The following MGAT4C variants were observed in gnomAD, a reference collection of about 807,000 sequenced individuals.
The protein encoded by MGAT4C is alpha-1,3-mannosyl-glycoprotein 4-beta-N-acetylglucosaminyltransferase C.
In MGAT4C, 19 loss-of-function variants were observed where a neutral mutation model predicts 40.1. That is an observed-to-expected ratio of 0.47 (90% confidence interval 0.33 to 0.70). The LOEUF is 0.70. Among genes scored for constraint, MGAT4C ranks in the 30% least tolerant of loss-of-function variants. The probability of loss-of-function intolerance (pLI) is 0.02; values close to 1 mark genes in which losing one functional copy is unlikely to be tolerated. For missense variants in MGAT4C, 491 were observed against 563.2 expected (o/e 0.87, Z 1.30); for synonymous variants, 181 against 187.1 (o/e 0.97, Z 0.27).
intron 4 of MGAT4C, among the ~76,000 whole-genome samples, chr12:86,327,677 C>A (rs955879057): frequency 2.0e-5 from 3 of 152,014 alleles, no homozygotes; most frequent in African/African-American, 7.2e-5. Flanking sequence ...TAAAGATACA[C>A]AATGATATTG....
At chr12:86,007,673 T>C (rs1375791632) in intron 2 of MGAT4C, among the ~76,000 whole-genome samples, 1 of 152,066 alleles carries the variant, frequency 6.6e-6, no homozygotes, top group East Asian at 1.9e-4. Flanking sequence ...TTCAACAGAC[T>C]CTAATGATTT....
At chr12:86,353,741 G>A (rs1955234397) in intron 3 of MGAT4C, among the ~76,000 whole-genome samples, 1 of 152,150 alleles carries the variant, frequency 6.6e-6, no homozygotes, top group African/African-American at 2.4e-5. Context: ...ATTATAGAAA[G>A]TGGAAAAGAT....
At chr12:86,739,382 C>A (rs1951031955) in intron 1 of MGAT4C, among the ~76,000 whole-genome samples, 1 of 150,680 alleles carries the variant, frequency 6.6e-6, no homozygotes, top group Non-Finnish European at 1.5e-5. Context: ...AGATATAAAT[C>A]ATTTTTAGTC....
At chr12:86,012,084 G>A (rs1210584912) in intron 2 of MGAT4C, among the ~76,000 whole-genome samples, 1 of 152,166 alleles carries the variant, frequency 6.6e-6, no homozygotes, top group African/African-American at 2.4e-5. Flanking sequence ...TATTTGAAAA[G>A]TCGTAACTCA....
chr12:86,430,390 C>T lies in MGAT4C; in HGVS notation c.-120+4767G>A, dbSNP rs190105961. 1.3e-3 allele frequency among the ~76,000 whole-genome samples: 199 copies of T among 152,156 alleles called. 4 individuals are homozygous for T. The highest frequency in any genetic ancestry group is 4.4e-3 in the African/African-American group (181 of 41,516). ...GGGAATAGTCCCCTCTTGGCCTTTA[C>T]GGTGTTCTCTGGCAGGGATACACAT... is the stretch of plus-strand genomic sequence containing the variant. On this transcript the variant is annotated intron_variant, in intron 3 of 7. Coordinates refer to the MGAT4C transcript ENST00000548651.
intron 1 of MGAT4C, among the ~76,000 whole-genome samples, chr12:86,821,398 A>G (rs1039211488): frequency 6.6e-6 from 1 of 150,874 alleles, no homozygotes; most frequent in African/African-American, 2.4e-5. Flanking sequence ...ATACTTATGG[A>G]GTATGTGCAA....
At chr12:86,561,616 T>C (rs1440397836) in intron 2 of MGAT4C, among the ~76,000 whole-genome samples, 1 of 152,148 alleles carries the variant, frequency 6.6e-6, no homozygotes, top group African/African-American at 2.4e-5. Context: ...GCTCCACTCA[T>C]AGTATTTCTA....
chr12:86,394,856 T>G (rs1050932306), intron 3 of MGAT4C, among the ~76,000 whole-genome samples: 10 of 151,690 alleles, frequency 6.6e-5, no homozygotes, highest in Non-Finnish European at 1.3e-4. Flanking sequence ...CCTCAGGTGA[T>G]CCACCCACCT....
chr12:86,656,413 A>C (rs1963852007), intron 2 of MGAT4C, among the ~76,000 whole-genome samples: 2 of 152,102 alleles, frequency 1.3e-5, no homozygotes, highest in South Asian at 4.1e-4. Context: ...CTTGTCAACA[A>C]AGAAGAGATA....
At chr12:86,358,869 A>T (rs1319947447) in intron 3 of MGAT4C, among the ~76,000 whole-genome samples, 3 of 152,186 alleles carry the variant, frequency 2.0e-5, no homozygotes, top group Non-Finnish European at 4.4e-5. Flanking sequence ...CTCCCACACA[A>T]TAATAATAGG....
At chr12:86,158,522 T>C (rs1296227951) in intron 1 of MGAT4C, among the ~76,000 whole-genome samples, 1 of 152,164 alleles carries the variant, frequency 6.6e-6, no homozygotes, top group Non-Finnish European at 1.5e-5. Context: ...TATTTCTTCT[T>C]CTTATTTCAT....
At chr12:86,211,858 G>A (rs1950484031) in intron 1 of MGAT4C, among the ~76,000 whole-genome samples, 1 of 151,388 alleles carries the variant, frequency 6.6e-6, no homozygotes. Context: ...CCCTGCTAAT[G>A]TGATCTCTGC....
At chr12:86,411,895 G>A (rs752282280) in intron 3 of MGAT4C, among the ~76,000 whole-genome samples, 11 of 152,038 alleles carry the variant, frequency 7.2e-5, no homozygotes, top group African/African-American at 9.7e-5. Flanking sequence ...TTGGGACACC[G>A]CTCCCTGCAT....
chr12:86,264,444 C>T (rs1952734695), intron 4 of MGAT4C, among the ~76,000 whole-genome samples: 1 of 152,144 alleles, frequency 6.6e-6, no homozygotes, highest in Admixed American at 6.5e-5. Context: ...CTGGAGCTGC[C>T]ACTGCGAAGA....
At chr12:86,204,662 T>C (rs1329932639) in intron 1 of MGAT4C, among the ~76,000 whole-genome samples, 1 of 152,144 alleles carries the variant, frequency 6.6e-6, no homozygotes, top group East Asian at 1.9e-4. Context: ...TACTTTAACC[T>C]TAGGCTGATC....
chr12:86,309,625 G>A (rs913000440), intron 4 of MGAT4C, among the ~76,000 whole-genome samples: 1 of 152,150 alleles, frequency 6.6e-6, no homozygotes, highest in African/African-American at 2.4e-5. Context: ...CTATTGCATT[G>A]AGAATTAAGT....
chr12:86,036,531 C>T (rs1366574192), intron 2 of MGAT4C, among the ~76,000 whole-genome samples: 4 of 149,984 alleles, frequency 2.7e-5, no homozygotes, highest in African/African-American at 9.7e-5. Flanking sequence ...TTGATGAAGG[C>T]TTTTCCTCAT....
At chr12:86,673,494 C>T (rs1002630265) in intron 2 of MGAT4C, among the ~76,000 whole-genome samples, 6 of 151,996 alleles carry the variant, frequency 3.9e-5, no homozygotes, top group African/African-American at 1.4e-4. Context: ...CACACACAAC[C>T]ACATAATTAA....
At chr12:86,041,268 A>AAATTCCT (rs1891809501) in intron 2 of MGAT4C, among the ~76,000 whole-genome samples, 1 of 152,032 alleles carries the variant, frequency 6.6e-6, no homozygotes, top group East Asian at 1.9e-4. Flanking sequence ...CTCAAAAAAC[A>AAATTCCT]AATTCCTAAT....
Sources: allele counts gnomAD v4.1 joint callset (sites outside exome capture counted in the v4.1 genomes callset), GRCh38; gene constraint gnomAD v4.1.1; transcripts MANE v1.5; gene names NCBI Gene and HGNC (gene_info 2026-07-23, HGNC 2026-07-21).